The following ATP9B variants were observed in gnomAD, a reference collection of about 807,000 sequenced individuals.
ATP9B encodes ATPase phospholipid transporting 9B, also known as probable phospholipid-transporting ATPase IIB.
In ATP9B, 110 loss-of-function variants were observed where a neutral mutation model predicts 146.1. The ratio of observed to expected loss-of-function variants is 0.75; its 90% CI spans 0.65 to 0.88. The LOEUF (loss-of-function observed/expected upper bound fraction) is 0.88, where lower values mean the gene tolerates loss of function less well. ATP9B is among the 40% of genes least tolerant of loss of function. ATP9B has a pLI of 0.00. For missense variants in ATP9B, 1,499 were observed against 1,496.4 expected (o/e 1.00, Z -0.03); for synonymous variants, 604 against 569.7 (o/e 1.06, Z -0.86).
chr18:79,262,476 T>C (rs1476224682), intron 12 of ATP9B, among the ~76,000 whole-genome samples: 1 of 152,176 alleles, frequency 6.6e-6, no homozygotes, highest in African/African-American at 2.4e-5. Flanking sequence ...AGTCATTTGA[T>C]AGAAAAAGGG....
rs1226268996 is a variant in ATP9B, at chr18:79,355,286, A to G, written c.2904-4068A>G. Among the ~76,000 whole-genome samples the G allele has an allele frequency of 2.6e-5, 4 of 152,256 alleles. No individual in the cohort carries two copies. The East Asian group carries it at 7.7e-4, about 29-fold the overall frequency. ...AGATTTCAAGGTGAATGGAAAAAAG[A>G]CAGTCAATAGAAGCCAGCCCTGAGA... On this transcript the variant is annotated intron_variant, in intron 25 of 29. Transcript: ENST00000426216.
chr18:79,361,445 A>G (rs1245105858), intron 26 of ATP9B: 2 of 151,712 alleles, frequency 1.3e-5, no homozygotes, highest in African/African-American at 4.8e-5. Flanking sequence ...TAAGGGTATT[A>G]AATTTCCGTT....
At chr18:79,302,425 C>T (rs933846697) in intron 13 of ATP9B, among the ~76,000 whole-genome samples, 1 of 148,872 alleles carries the variant, frequency 6.7e-6, no homozygotes, top group African/African-American at 2.5e-5. Flanking sequence ...GAGCACCACG[C>T]GTGGCAGCAC....
chr18:79,288,827 C>A, intron 13 of ATP9B, among the ~76,000 whole-genome samples: 1 of 152,136 alleles, frequency 6.6e-6, no homozygotes, highest in East Asian at 1.9e-4. Context: ...CAAAATCTCT[C>A]AGCATTTGCT....
chr18:79,347,865 G>T lies in ATP9B; in HGVS notation c.2778G>T (p.Lys926Asn). The T allele has an allele frequency of 6.2e-7, 1 of 1,613,852 alleles. No individual in the cohort carries two copies. Among genetic ancestry groups the T allele is most frequent in the Non-Finnish European group, 8.5e-7 (1 of 1,179,964 alleles). ...TGGTGCACGGGCGGAACAGCTACAA[G>T]AGGTCGGCGGCACTCGGCCAGTTCG... ...LLMVHGRNSY[K>N]RSAALGQFVM... Residue 926 changes from lysine to asparagine, a missense_variant, in exon 24 of 30, where the codon AAG becomes AAT. Lys to Asn is a moderately conservative substitution (Grantham distance 94, BLOSUM62 0). Transcript: ENST00000426216.
chr18:79,245,211 T>C (rs2095931980), intron 11 of ATP9B, among the ~76,000 whole-genome samples: 1 of 152,204 alleles, frequency 6.6e-6, no homozygotes, highest in African/African-American at 2.4e-5. Flanking sequence ...AGAGAATAGG[T>C]TCATGCTCTT....
rs1323135032 is a variant in ATP9B, at chr18:79,327,901, G to A, written c.1774-1240G>A. On this transcript the variant is annotated intron_variant, in intron 15 of 29. Transcript: ENST00000426216. The stretch of plus-strand genomic sequence containing the variant: ...GGATAGTGTGCTCTCCGTGGTTAGC[G>A]TGCTCTCCGTGGGTAGCGTGCTCTC... 8.4e-5 allele frequency among the ~76,000 whole-genome samples: 11 copies of A among 130,980 alleles called. 1 individual carries two copies. Among genetic ancestry groups the A allele is most frequent in the Non-Finnish European group, 8.0e-5 (5 of 62,826 alleles). 85.9% of individuals were successfully genotyped at this position (130,980 alleles called of 152,430 possible). A position where few individuals can be genotyped will look rare whatever the true frequency, so the allele number is the denominator to read the frequency against.
intron 11 of ATP9B, among the ~76,000 whole-genome samples, chr18:79,224,093 C>T (rs1465712309): frequency 6.6e-6 from 1 of 152,190 alleles, no homozygotes; most frequent in Non-Finnish European, 1.5e-5. Context: ...CTATATTTGA[C>T]AGTATCTCAT....
Position 79,221,872 on chromosome 18 carries a change from A to ATTT in ATP9B, c.1107+7848_1107+7850dup, listed in dbSNP as rs11296944. The stretch of plus-strand genomic sequence containing the variant: ...TAACATCCCCAAACTTCTTTGGCCA[A>ATTT]TTTTTTTTTTTTTTTTGCCTTTATT... On this transcript the variant is annotated intron_variant, in intron 11 of 29. Transcript: ENST00000426216. Among the ~76,000 whole-genome samples the ATTT allele has an allele frequency of 2.7e-3, 286 of 105,832 alleles. 5 individuals carry two copies. Among genetic ancestry groups the ATTT allele is most frequent in the East Asian group, 0.013 (49 of 3,774 alleles). The allele number at this position is 105,832 out of a possible 152,430, so 69.4% of individuals were successfully genotyped here.
At chr18:79,364,099 C>G (rs1404523753) in intron 26 of ATP9B, 3 of 152,116 alleles carry the variant, frequency 2.0e-5, no homozygotes, top group Non-Finnish European at 2.9e-5. Context: ...AACACCGTCT[C>G]TACTAAAAAT....
At chr18:79,105,141 G>A (rs550951) in intron 2 of ATP9B, among the ~76,000 whole-genome samples, 20,003 of 152,062 alleles carry the variant, frequency 0.13, 1,894 homozygotes, top group African/African-American at 0.27. Context: ...AAATCATTAT[G>A]GAAATTAAAC....
At chr18:79,222,456 G>T (rs946394448) in intron 11 of ATP9B, among the ~76,000 whole-genome samples, 3 of 152,036 alleles carry the variant, frequency 2.0e-5, no homozygotes, top group African/African-American at 7.2e-5. Flanking sequence ...GTGTGTAGAG[G>T]GTGGCCCCAC....
chr18:79,183,978 A>G (rs908062783), intron 8 of ATP9B, among the ~76,000 whole-genome samples: 1 of 152,164 alleles, frequency 6.6e-6, no homozygotes, highest in African/African-American at 2.4e-5. Flanking sequence ...TTGCAAATAT[A>G]TTCTCCAATC....
At chr18:79,208,228 G>A (rs1159205826) in intron 10 of ATP9B, among the ~76,000 whole-genome samples, 1 of 152,230 alleles carries the variant, frequency 6.6e-6, no homozygotes, top group East Asian at 1.9e-4. Context: ...CTGGGCGACA[G>A]AGCGAGATGC....
chr18:79,259,755 G>C (rs1242673471), intron 12 of ATP9B, among the ~76,000 whole-genome samples: 3 of 152,192 alleles, frequency 2.0e-5, no homozygotes. Context: ...CATTGCTCCT[G>C]GATTTAGGAG....
chr18:79,184,540 C>G (rs2095286367), intron 8 of ATP9B, among the ~76,000 whole-genome samples: 1 of 151,892 alleles, frequency 6.6e-6, no homozygotes, highest in African/African-American at 2.4e-5. Flanking sequence ...GTTCTATTAT[C>G]TTATTACTTG....
chr18:79,074,680 G>A (rs2072387791), intron 1 of ATP9B, among the ~76,000 whole-genome samples: 1 of 152,210 alleles, frequency 6.6e-6, no homozygotes, highest in Admixed American at 6.5e-5. Flanking sequence ...TCCCTTGGTG[G>A]GAGAGGGGAG....
intron 13 of ATP9B, among the ~76,000 whole-genome samples, chr18:79,290,928 T>TCC (rs1163819053): frequency 6.6e-6 from 1 of 152,202 alleles, no homozygotes; most frequent in Non-Finnish European, 1.5e-5. Context: ...AATCACTGGC[T>TCC]CCCTTTTGTA....
At chr18:79,129,312 A>T (rs2094339034) in intron 5 of ATP9B, among the ~76,000 whole-genome samples, 1 of 152,142 alleles carries the variant, frequency 6.6e-6, no homozygotes, top group Admixed American at 6.5e-5. Flanking sequence ...AGCGACATGC[A>T]AGCCAAGAAC....
Sources: allele counts gnomAD v4.1 joint callset (sites outside exome capture counted in the v4.1 genomes callset), GRCh38; gene constraint gnomAD v4.1.1; transcripts MANE v1.5; gene names NCBI Gene and HGNC (gene_info 2026-07-23, HGNC 2026-07-21).